The following FRAS1 variants were observed in gnomAD, a reference collection of about 807,000 sequenced individuals.
The protein encoded by FRAS1 is extracellular matrix organizing protein FRAS1.
A neutral mutation model predicts 435.2 loss-of-function variants in FRAS1; 290 were observed. That is an observed-to-expected ratio of 0.67 (90% CI 0.61 to 0.73). The LOEUF (loss-of-function observed/expected upper bound fraction) is 0.73. Ranked by LOEUF, FRAS1 falls within the 30% of genes least tolerant of loss-of-function variation. The pLI is 0.00. For missense variants in FRAS1, 4,860 were observed against 5,001.5 expected, an observed-to-expected ratio of 0.97 and a Z score of 0.85; for synonymous variants, 1,800 against 1,851.0, an observed-to-expected ratio of 0.97 and a Z score of 0.71.
intron 65 of FRAS1, among the ~76,000 whole-genome samples, chr4:78,514,005 G>A (rs1321343606): frequency 6.6e-6 from 1 of 152,216 alleles, no homozygotes; most frequent in African/African-American, 2.4e-5. Context: ...CCAGAAGCAG[G>A]AGCTGAGAGG....
At chr4:78,452,991 G>A (rs17468080) in intron 47 of FRAS1, among the ~76,000 whole-genome samples, 48,338 of 152,064 alleles carry the variant, frequency 0.32, 7,932 homozygotes, top group Non-Finnish European at 0.36. Context: ...CAGAGTTTGG[G>A]TATACAGAAT....
intron 69 of FRAS1, among the ~76,000 whole-genome samples, chr4:78,523,848 T>C (rs1031663467): frequency 3.3e-5 from 5 of 152,170 alleles, no homozygotes; most frequent in Non-Finnish European, 5.9e-5. Flanking sequence ...TTATGCAGCA[T>C]ACAAGGCCCA....
chr4:78,361,642 A>T (rs546599381), intron 20 of FRAS1, among the ~76,000 whole-genome samples: 27 of 152,304 alleles, frequency 1.8e-4, no homozygotes, highest in African/African-American at 6.3e-4. Context: ...AACAGTTAGG[A>T]TCACCAACAG....
intron 37 of FRAS1, 145 bp downstream of exon 37, chr4:78,430,562 T>G: frequency 1.2e-6 from 1 of 865,764 alleles, no homozygotes; most frequent in South Asian, 2.1e-5. Context: ...TTCATTGGCT[T>G]TGATATTTGA....
intron 2 of FRAS1, among the ~76,000 whole-genome samples, chr4:78,177,975 C>T (rs146950401): frequency 1.4e-3 from 213 of 152,228 alleles, no homozygotes; most frequent in African/African-American, 5.0e-3. Context: ...GAAAGTTATT[C>T]TCTCAAAGAA....
At chr4:78,135,412 C>T (rs1719879302) in intron 2 of FRAS1, among the ~76,000 whole-genome samples, 1 of 152,258 alleles carries the variant, frequency 6.6e-6, no homozygotes, top group East Asian at 1.9e-4. Flanking sequence ...GGAGAACTTT[C>T]TCATAGGGAC....
chr4:78,379,795 T>G lies in FRAS1; in HGVS notation c.3362T>G (p.Leu1121Arg). ...LILPIGSIKPLDFSLLNVQDQ... is the reference protein window; with the variant it reads ...LILPIGSIKPRDFSLLNVQDQ... ...CTCCCAATTGGTTCAATAAAGCCAC[T>G]GGATTTTTCCCTCCTGAATGTCCAA... The change falls in exon 27 of 74, where the codon CTG (leucine) becomes CGG (arginine). Residue 1121 changes from leucine (L) to arginine (R), a missense_variant. By Grantham distance (102) the Leu-to-Arg change is moderately radical. Coordinates refer to ENST00000512123, the MANE Select transcript of FRAS1 (RefSeq NM_025074.7). 1 of 1,613,814 alleles carries G rather than the reference T, an allele frequency of 6.2e-7. No homozygotes were observed. The highest frequency in any genetic ancestry group is 1.3e-5 in the African/African-American group (1 of 75,012).
At chr4:78,492,241 T>C (rs1323421469) in intron 59 of FRAS1, among the ~76,000 whole-genome samples, 1 of 152,158 alleles carries the variant, frequency 6.6e-6, no homozygotes, top group Non-Finnish European at 1.5e-5. Context: ...TATAGATTCC[T>C]TGCTATCCCC....
At chr4:78,168,510 T>C (rs1469818427) in intron 2 of FRAS1, among the ~76,000 whole-genome samples, 2 of 150,676 alleles carry the variant, frequency 1.3e-5, no homozygotes, top group African/African-American at 4.9e-5. Context: ...AAACTTCAAA[T>C]TTTTTTTTTC....
intron 59 of FRAS1, among the ~76,000 whole-genome samples, chr4:78,493,420 A>G (rs1221305177): frequency 6.6e-6 from 1 of 152,242 alleles, no homozygotes; most frequent in African/African-American, 2.4e-5. Flanking sequence ...CCCATCAATG[A>G]TAGACTGGAT....
At chr4:78,182,034 A>G (rs1054691907) in intron 2 of FRAS1, 1 of 1,523,584 alleles carries the variant, frequency 6.6e-7, no homozygotes, top group African/African-American at 1.4e-5. Flanking sequence ...CCTTCCTGTA[A>G]GTGCCCAGGC....
intron 2 of FRAS1, chr4:78,182,183 G>T (rs1260732634): frequency 4.5e-6 from 3 of 665,342 alleles, no homozygotes; most frequent in Admixed American, 3.4e-5. Flanking sequence ...AATGACCATA[G>T]AATTATATTT....
Position 78,328,245 on chromosome 4 carries a change from G to A in FRAS1, c.2138-5027G>A, listed in dbSNP as rs554851708. Reference sequence around the variant, plus strand: ...GTTTTGTGACCAAATGAAATGAAATGTTTGTACTCATAATGCACTAATTAA... The same window carrying A: ...GTTTTGTGACCAAATGAAATGAAATATTTGTACTCATAATGCACTAATTAA... On this transcript the variant is annotated intron_variant, in intron 18 of 73. Coordinates refer to ENST00000512123, the MANE Select transcript of FRAS1 (RefSeq NM_025074.7). 5.5e-4 allele frequency among the ~76,000 whole-genome samples: 84 copies of A among 152,304 alleles called. 1 individual carries two copies. The highest frequency in any genetic ancestry group is 1.5e-3 in the Admixed American group (23 of 15,300).
rs559735972 is a variant in FRAS1 at position 78,328,813 on chromosome 4, C to T, written c.2138-4459C>T. Reference sequence around the variant, plus strand: ...GGCTACTTAAAAAATAATTGCTCCTCTGGCTGAAGGGAATGCCTGGAGGCT... The same window carrying T: ...GGCTACTTAAAAAATAATTGCTCCTTTGGCTGAAGGGAATGCCTGGAGGCT... On this transcript the variant is annotated intron_variant, in intron 18 of 73. Coordinates refer to ENST00000512123, the MANE Select transcript of FRAS1 (RefSeq NM_025074.7). Among the ~76,000 whole-genome samples, 11 of 152,280 alleles carry T rather than the reference C, an allele frequency of 7.2e-5. No individual in the cohort carries two copies. The South Asian group carries it at 2.1e-3, about 29-fold the overall frequency.
intron 2 of FRAS1, among the ~76,000 whole-genome samples, chr4:78,182,601 G>A (rs914542405): frequency 6.6e-6 from 1 of 152,192 alleles, no homozygotes. Context: ...AGAGGGGCCA[G>A]GCGCAGTGGC....
chr4:78,387,939 A>G (rs945859724), intron 29 of FRAS1, among the ~76,000 whole-genome samples: 5 of 152,182 alleles, frequency 3.3e-5, no homozygotes, highest in Non-Finnish European at 5.9e-5. Context: ...AGGTACTGCC[A>G]TAAGAACGTG....
In FRAS1 at chr4:78,345,558, A is replaced by AT. The variant is rs545643109; in HGVS notation, c.2422+7748dup. Among the ~76,000 whole-genome samples, 45 of 150,294 alleles carry AT rather than the reference A, an allele frequency of 3.0e-4. No homozygotes were observed. The South Asian group carries it at 5.7e-3, about 19-fold the overall frequency. ...TTTTTTCAATTTGCTCGTGTCTTCT[A>AT]TTTTTTTAACACTTGCTTCTTTATT... On this transcript the variant is annotated intron_variant, in intron 20 of 73. Coordinates refer to ENST00000512123, the MANE Select transcript of FRAS1 (RefSeq NM_025074.7).
Position 78,354,075 on chromosome 4 carries a change from A to T in FRAS1, c.2423-9438A>T, listed in dbSNP as rs1279362284. On this transcript the variant is annotated intron_variant, in intron 20 of 73. Transcript: ENST00000512123. ...AAGATACATGGTAAGAGTGATGCTCATGACGTGTTGTTGGCAGTGCAAGCT... is the reference window on the plus strand; with the variant it reads ...AAGATACATGGTAAGAGTGATGCTCTTGACGTGTTGTTGGCAGTGCAAGCT... Among the ~76,000 whole-genome samples the T allele has an allele frequency of 2.0e-5, 3 of 151,284 alleles. No homozygotes were observed. In the East Asian group the frequency reaches 5.9e-4, roughly 30 times the overall value.
intron 17 of FRAS1, among the ~76,000 whole-genome samples, 175 bp from the exon 18 acceptor site, chr4:78,318,635 C>T (rs1489339107): frequency 6.6e-6 from 1 of 152,208 alleles, no homozygotes; most frequent in South Asian, 2.1e-4. Flanking sequence ...CACCACCCCT[C>T]ACTGTTCCTT....
Sources: allele counts gnomAD v4.1 joint callset (sites outside exome capture counted in the v4.1 genomes callset), GRCh38; gene constraint gnomAD v4.1.1; transcripts MANE v1.5; gene names NCBI Gene and HGNC (gene_info 2026-07-23, HGNC 2026-07-21).